Variants in CATSPERE observed in about 807,000 individuals in gnomAD.
CATSPERE encodes the protein cation channel sperm-associated auxiliary subunit epsilon.
Under a neutral mutation model 114.1 loss-of-function variants are expected in CATSPERE, and 93 were observed. The ratio of observed to expected loss-of-function variants is 0.81; its 90% CI spans 0.69 to 0.97. The LOEUF (loss-of-function observed/expected upper bound fraction) is 0.97, where lower values mean the gene tolerates loss of function less well. CATSPERE is among the 50% of genes least tolerant of loss of function. The pLI is 0.00. For missense variants in CATSPERE, 1,058 were observed against 1,131.6 expected, an observed-to-expected ratio of 0.93 and a Z score of 0.93; for synonymous variants, 341 against 384.1, an observed-to-expected ratio of 0.89 and a Z score of 1.31.
chr1:244,520,965 G>C (rs6675809), intron 8 of CATSPERE, among the ~76,000 whole-genome samples: 19,612 of 152,198 alleles, frequency 0.13, 2,212 homozygotes, highest in African/African-American at 0.3. Context: ...TTAGCATACT[G>C]AAATTCAGGC....
Position 244,560,975 on chromosome 1 carries a change from C to T in CATSPERE, c.1337C>T (p.Thr446Ile), listed in dbSNP as rs73115417. 9,742 of 1,613,932 alleles carry T rather than the reference C, an allele frequency of 6.0e-3. 500 individuals are homozygous for T. The African/African-American group carries it at 0.11, about 18-fold the overall frequency. ...FTLDAPIDSV[T>I]MPHFTFSALP... ...TTAGATGCCCCTATTGACAGTGTTA[C>T]CATGCCACATTTTACATTTTCAGCA... is the stretch of plus-strand genomic sequence containing the variant. The change falls in exon 10 of 22, where the codon ACC (threonine) becomes ATC (isoleucine). Residue 446 changes from threonine (T) to isoleucine (I), a missense_variant. Physicochemically the swap from Thr to Ile is moderately conservative, Grantham distance 89 (BLOSUM62 -1). Transcript: ENST00000366534.
intron 18 of CATSPERE, among the ~76,000 whole-genome samples, chr1:244,609,148 T>G (rs925535990): frequency 1.3e-5 from 2 of 151,956 alleles, no homozygotes; most frequent in Admixed American, 6.6e-5. Flanking sequence ...ATTGTACCAC[T>G]GCACTCCAGC....
intron 2 of CATSPERE, among the ~76,000 whole-genome samples, chr1:244,464,168 C>T (rs989424699): frequency 1.3e-5 from 2 of 152,050 alleles, no homozygotes; most frequent in South Asian, 2.1e-4. Context: ...TGAGTGTTTT[C>T]GTGATTCACT....
At chr1:244,486,635 CGTA>C (rs1292963490) in intron 5 of CATSPERE, among the ~76,000 whole-genome samples, 1 of 97,278 alleles carries the variant, frequency 1.0e-5, no homozygotes, top group Non-Finnish European at 2.1e-5. Context: ...TGTAGACCCT[CGTA>C]GTCACCTGGT....
At chr1:244,566,986 GT>G (rs1053868232) in intron 10 of CATSPERE, among the ~76,000 whole-genome samples, 4 of 152,042 alleles carry the variant, frequency 2.6e-5, no homozygotes, top group African/African-American at 7.2e-5. Context: ...GCTGGTACTG[GT>G]TTTTCCTTTG....
At chr1:244,513,063 A>T (rs1448423155) in intron 7 of CATSPERE, among the ~76,000 whole-genome samples, 1 of 152,228 alleles carries the variant, frequency 6.6e-6, no homozygotes, top group East Asian at 1.9e-4. Context: ...TTGGGCCTCC[A>T]GGTGGCTTGC....
rs1256559063 is a variant in CATSPERE at position 244,633,780 on chromosome 1, C to G, written c.2649-1709C>G. The stretch of plus-strand genomic sequence containing the variant: ...ACCTGGAATGCCCTAACCCTTCATC[C>G]TTATTTAAACTCCAACCTTTAGGAC... On this transcript the variant is annotated intron_variant, in intron 20 of 21. Transcript: ENST00000366534. This position sits in a 1 kb window ranked among gnomAD's most constrained non-coding sequence, Gnocchi z 4.1. Among the ~76,000 whole-genome samples the G allele has an allele frequency of 6.6e-6, 1 of 152,036 alleles. No homozygotes were observed. Among genetic ancestry groups the G allele is most frequent in the Non-Finnish European group, 1.5e-5 (1 of 68,008 alleles).
intron 17 of CATSPERE, among the ~76,000 whole-genome samples, chr1:244,604,973 T>G (rs965890344): frequency 1.3e-5 from 2 of 152,320 alleles, no homozygotes; most frequent in African/African-American, 2.4e-5. Flanking sequence ...TGGTGTCTGC[T>G]GTTGGTAGAA....
At chr1:244,556,868 C>T (rs1661659085) in intron 9 of CATSPERE, among the ~76,000 whole-genome samples, 1 of 151,960 alleles carries the variant, frequency 6.6e-6, no homozygotes, top group South Asian at 2.1e-4. Context: ...ACACTAACAA[C>T]AAGCTATACA....
chr1:244,510,941 T>G (rs1300242290), intron 7 of CATSPERE, among the ~76,000 whole-genome samples: 3 of 148,164 alleles, frequency 2.0e-5, no homozygotes, highest in Non-Finnish European at 3.0e-5. Flanking sequence ...CCTCCCAGGT[T>G]CAAGCAATTC....
intron 2 of CATSPERE, among the ~76,000 whole-genome samples, chr1:244,474,236 T>C (rs1251339057): frequency 6.6e-6 from 1 of 152,096 alleles, no homozygotes; most frequent in Non-Finnish European, 1.5e-5. Context: ...GTTTTTACCA[T>C]GTTGGCCAGG....
At chr1:244,578,823 C>CATATACAT (rs1553369149) in intron 11 of CATSPERE, among the ~76,000 whole-genome samples, 9 of 133,018 alleles carry the variant, frequency 6.8e-5, no homozygotes, top group African/African-American at 2.5e-4. Flanking sequence ...GGTGCATATA[C>CATATACAT]ATATATATAT....
chr1:244,529,601 C>T lies in CATSPERE; in HGVS notation c.536+10903C>T, dbSNP rs556090011. ...AGATGGATAGTTTGCAAATATTTTC[C>T]CCCATTCTGTGGATTGTCTCTTCAA... On this transcript the variant is annotated intron_variant, in intron 8 of 21. Transcript: ENST00000366534. 3.5e-4 allele frequency among the ~76,000 whole-genome samples: 53 copies of T among 151,976 alleles called. No homozygotes were observed. In the South Asian group the frequency reaches 3.7e-3, roughly 11 times the overall value.
chr1:244,510,000 G>C (rs184460969), intron 7 of CATSPERE, among the ~76,000 whole-genome samples: 1 of 151,830 alleles, frequency 6.6e-6, no homozygotes, highest in African/African-American at 2.4e-5. Flanking sequence ...GCAGTTTATC[G>C]ATTTTATCTT....
chr1:244,490,411 T>C (rs1402582132), intron 5 of CATSPERE, 36 bp from the exon 6 acceptor site: 1 of 1,452,702 alleles, frequency 6.9e-7, no homozygotes, highest in Non-Finnish European at 9.6e-7. Flanking sequence ...TTTAACAGGC[T>C]GTTTACTAAA....
At chr1:244,623,808 A>G (rs1247936812) in intron 20 of CATSPERE, among the ~76,000 whole-genome samples, 1 of 152,256 alleles carries the variant, frequency 6.6e-6, no homozygotes, top group Non-Finnish European at 1.5e-5. Flanking sequence ...ATATATAACC[A>G]GCTTAATTTA....
At chr1:244,625,404 ATT>A (rs1329729651) in intron 20 of CATSPERE, among the ~76,000 whole-genome samples, 7 of 12,310 alleles carry the variant, frequency 5.7e-4, no homozygotes, top group East Asian at 5.7e-3. Context: ...TATTATTATT[ATT>A]TATATATATA....
At chr1:244,460,959 C>A (rs1240901645), upstream of CATSPERE, among the ~76,000 whole-genome samples, 1 of 152,226 alleles carries the variant, frequency 6.6e-6, no homozygotes, top group African/African-American at 2.4e-5. Context: ...TGCCTGCTCC[C>A]TGGAAAGCAC....
At chr1:244,510,661 T>C (rs148567826) in intron 7 of CATSPERE, among the ~76,000 whole-genome samples, 142 of 152,248 alleles carry the variant, frequency 9.3e-4, no homozygotes, top group African/African-American at 3.3e-3. Flanking sequence ...AGTGTTTCTT[T>C]GTTGATTTTC....
Sources: allele counts gnomAD v4.1 joint callset (sites outside exome capture counted in the v4.1 genomes callset), GRCh38; gene constraint gnomAD v4.1.1; non-coding constraint Gnocchi (gnomAD v3.1); transcripts MANE v1.5; gene names NCBI Gene and HGNC (gene_info 2026-07-23, HGNC 2026-07-21).